Variants in RALYL observed in about 807,000 individuals in gnomAD.
RALYL encodes RNA-binding Raly-like protein.
A neutral mutation model predicts 35.1 loss-of-function variants in RALYL; 29 were observed. The observed-to-expected ratio is 0.83, with a 90% CI of 0.61 to 1.13. The LOEUF is 1.13. Among genes scored for constraint, RALYL ranks in the 50% most tolerant of loss-of-function variants. RALYL has a pLI of 0.00. For missense variants in RALYL, 359 were observed against 360.4 expected (o/e 1.00, Z 0.03); for synonymous variants, 120 against 127.6 (o/e 0.94, Z 0.40).
At chr8:84,577,435 A>T (rs1189722303) in intron 2 of RALYL, among the ~76,000 whole-genome samples, 1 of 152,188 alleles carries the variant, frequency 6.6e-6, no homozygotes, top group Non-Finnish European at 1.5e-5. Flanking sequence ...CAGAGAAGGA[A>T]GTTGGGCTGT....
chr8:84,706,913 G>C (rs1050795568), intron 2 of RALYL, among the ~76,000 whole-genome samples: 2 of 152,042 alleles, frequency 1.3e-5, no homozygotes, highest in African/African-American at 4.8e-5. Context: ...GTCTGTCACT[G>C]TCTCTATTTA....
chr8:84,549,121 A>G (rs1196900133), intron 2 of RALYL, among the ~76,000 whole-genome samples: 1 of 152,138 alleles, frequency 6.6e-6, no homozygotes, highest in Admixed American at 6.6e-5. Flanking sequence ...ACACAGATAC[A>G]GCTATGCTAT....
At chr8:84,284,577 T>C (rs1166996381) in intron 1 of RALYL, among the ~76,000 whole-genome samples, 1 of 152,170 alleles carries the variant, frequency 6.6e-6, no homozygotes, top group Non-Finnish European at 1.5e-5. Context: ...TTTTCACCAC[T>C]TCATAACAGG....
At chr8:84,676,806 T>C (rs1396944637) in intron 2 of RALYL, among the ~76,000 whole-genome samples, 1 of 152,126 alleles carries the variant, frequency 6.6e-6, no homozygotes. Flanking sequence ...TAAAAGATTT[T>C]TTTTTTCTTT....
intron 2 of RALYL, among the ~76,000 whole-genome samples, chr8:84,571,933 T>C (rs1808103553): frequency 6.6e-6 from 1 of 151,912 alleles, no homozygotes; most frequent in Middle Eastern, 3.2e-3. Flanking sequence ...AGAGCTCCTC[T>C]TGGAATTGAT....
chr8:84,654,313 A>C (rs1279274066), intron 2 of RALYL, among the ~76,000 whole-genome samples: 4 of 125,084 alleles, frequency 3.2e-5, no homozygotes, highest in South Asian at 2.5e-4. Flanking sequence ...ATATATATAT[A>C]TCATGTACCA....
intron 1 of RALYL, among the ~76,000 whole-genome samples, chr8:84,340,252 A>G (rs1429036037): frequency 6.6e-6 from 1 of 152,096 alleles, no homozygotes; most frequent in Admixed American, 6.6e-5. Context: ...GGTCTTTGCT[A>G]GGTCTTGCCT....
At chr8:84,273,002 T>C (rs187664468) in intron 1 of RALYL, among the ~76,000 whole-genome samples, 98 of 152,330 alleles carry the variant, frequency 6.4e-4, no homozygotes, top group Middle Eastern at 3.4e-3. Context: ...CCTTTTATTC[T>C]AGCAATTATT....
intron 3 of RALYL, among the ~76,000 whole-genome samples, chr8:84,801,273 C>CATCT (rs1823187414): frequency 6.6e-6 from 1 of 152,188 alleles, no homozygotes. Flanking sequence ...TTGGCCTTAT[C>CATCT]ATCTATGGCT....
intron 2 of RALYL, among the ~76,000 whole-genome samples, chr8:84,610,324 T>G (rs1335651100): frequency 6.6e-6 from 1 of 152,058 alleles, no homozygotes; most frequent in Non-Finnish European, 1.5e-5. Context: ...ACTGGTCAGG[T>G]GTTTTGTAAG....
chr8:84,709,921 C>T (rs1001325448), intron 2 of RALYL, among the ~76,000 whole-genome samples: 40 of 151,916 alleles, frequency 2.6e-4, no homozygotes, highest in African/African-American at 8.9e-4. Flanking sequence ...ATTAGCTGGG[C>T]GTGGTGGCAG....
chr8:84,886,860 C>A (rs1470512098), intron 7 of RALYL, among the ~76,000 whole-genome samples: 1 of 152,090 alleles, frequency 6.6e-6, no homozygotes, highest in African/African-American at 2.4e-5. Context: ...TATACCAAAC[C>A]CTGAAAGTTT....
chr8:84,431,965 A>G (rs187050387), intron 1 of RALYL, among the ~76,000 whole-genome samples: 1 of 152,266 alleles, frequency 6.6e-6, no homozygotes, highest in East Asian at 1.9e-4. Context: ...GAGAAATTAG[A>G]ATCCTGTACA....
chr8:84,373,494 G>A (rs531756722), intron 1 of RALYL, among the ~76,000 whole-genome samples: 1 of 152,148 alleles, frequency 6.6e-6, no homozygotes, highest in South Asian at 2.1e-4. Flanking sequence ...CCTATTGCTT[G>A]TTTTTGTCAG....
chr8:84,265,375 A>G (rs1368633363), intron 1 of RALYL, among the ~76,000 whole-genome samples: 5 of 152,218 alleles, frequency 3.3e-5, no homozygotes, highest in Admixed American at 6.5e-5. Flanking sequence ...GAACAATTCC[A>G]ACTGTGAGAG....
chr8:84,419,041 T>C (rs1033206085), intron 1 of RALYL, among the ~76,000 whole-genome samples: 5 of 152,196 alleles, frequency 3.3e-5, no homozygotes, highest in Admixed American at 2.6e-4. Flanking sequence ...GTTGCAGATA[T>C]GATTTCTCTC....
At chr8:84,309,006 G>C (rs910542983) in intron 1 of RALYL, among the ~76,000 whole-genome samples, 4 of 151,522 alleles carry the variant, frequency 2.6e-5, no homozygotes, top group African/African-American at 9.7e-5. Flanking sequence ...TAAAATTATA[G>C]TGCTAAAGTA....
rs145469681 is a variant in RALYL, at chr8:84,373,041, T to C, written c.-23-156258T>C. 2.5e-3 allele frequency among the ~76,000 whole-genome samples: 372 copies of C among 151,702 alleles called. 1 individual carries two copies. Among genetic ancestry groups the C allele is most frequent in the Non-Finnish European group, 3.6e-3 (245 of 67,918 alleles). ...ATGCTTGTTAGCCTTATGTGTGTCT[T>C]CTTTTCAGAAGTATCTGTTCATGTC... is the stretch of plus-strand genomic sequence containing the variant. On this transcript the variant is annotated intron_variant, in intron 1 of 8. Transcript: ENST00000521268.
chr8:84,306,854 T>A (rs747680191), intron 1 of RALYL, among the ~76,000 whole-genome samples: 1 of 152,194 alleles, frequency 6.6e-6, no homozygotes, highest in Non-Finnish European at 1.5e-5. Flanking sequence ...ATCCTGGTGT[T>A]TAGATCAGGA....
Sources: gnomAD v4.1 joint callset for allele counts (sites outside exome capture counted in the v4.1 genomes callset) on GRCh38, gnomAD v4.1.1 for gene constraint, MANE v1.5 for transcripts, NCBI Gene and HGNC (gene_info 2026-07-23, HGNC 2026-07-21) for gene names.